The following CTNNA2 variants were observed in gnomAD, a reference collection of about 807,000 sequenced individuals.
CTNNA2 encodes catenin alpha 2.
In CTNNA2, 42 loss-of-function variants were observed where a neutral mutation model predicts 101.0. The ratio of observed to expected loss-of-function variants is 0.42; its 90% CI spans 0.32 to 0.54. CTNNA2 has a LOEUF of 0.54. CTNNA2 is among the 20% of genes least tolerant of loss of function. The pLI, the probability that CTNNA2 is intolerant of heterozygous loss-of-function variation, is 0.14. For synonymous variants in CTNNA2, 450 were observed against 456.4 expected (o/e 0.99, Z 0.18); for missense variants, 871 against 1,223.1 (o/e 0.71, Z 4.29).
intron 2 of CTNNA2, among the ~76,000 whole-genome samples, chr2:79,707,580 T>A (rs1685465036): frequency 6.6e-6 from 1 of 152,220 alleles, no homozygotes; most frequent in Non-Finnish European, 1.5e-5. Context: ...TTCCTGTGAC[T>A]TTTTCTGCAG....
chr2:80,085,053 A>T (rs964679170), intron 7 of CTNNA2, among the ~76,000 whole-genome samples: 2 of 152,066 alleles, frequency 1.3e-5, no homozygotes, highest in Non-Finnish European at 2.9e-5. Context: ...TAGAAGAGGA[A>T]CTCAGATATC....
At chr2:80,482,300 A>G (rs1282172065) in intron 9 of CTNNA2, among the ~76,000 whole-genome samples, 1 of 152,074 alleles carries the variant, frequency 6.6e-6, no homozygotes, top group Non-Finnish European at 1.5e-5. Context: ...AGGAAACTCT[A>G]ACTTTTAAAG....
At chr2:79,999,945 G>C (rs181389701) in intron 7 of CTNNA2, among the ~76,000 whole-genome samples, 1 of 152,162 alleles carries the variant, frequency 6.6e-6, no homozygotes, top group African/African-American at 2.4e-5. Flanking sequence ...ACGAGAAAGA[G>C]ATGGGAAGAG....
intron 3 of CTNNA2, among the ~76,000 whole-genome samples, chr2:79,845,067 G>GTATATATATATGTGTATA (rs1680124460): frequency 7.0e-6 from 1 of 142,610 alleles, no homozygotes; most frequent in Non-Finnish European, 1.5e-5. Context: ...GTGTGTGTGT[G>GTATATATATATGTGTATA]TATATATATA....
At chr2:79,302,425 A>T (rs1485293073) in intron 2 of CTNNA2, among the ~76,000 whole-genome samples, 2 of 152,164 alleles carry the variant, frequency 1.3e-5, no homozygotes, top group African/African-American at 4.8e-5. Context: ...CTGTCACTTG[A>T]GTAAAGAGTA....
intron 2 of CTNNA2, among the ~76,000 whole-genome samples, chr2:79,739,294 T>C (rs1671117091): frequency 6.6e-6 from 1 of 152,158 alleles, no homozygotes; most frequent in Non-Finnish European, 1.5e-5. Flanking sequence ...TAATAACATA[T>C]TCTCAGTGTT....
intron 4 of CTNNA2, among the ~76,000 whole-genome samples, chr2:79,388,237 T>C (rs556905855): frequency 7.2e-5 from 11 of 152,344 alleles, no homozygotes; most frequent in African/African-American, 2.6e-4. Context: ...GAGGAGCTGA[T>C]GACTTCACTC....
chr2:79,601,080 T>C lies in CTNNA2; in HGVS notation c.-5-50472T>C, dbSNP rs138284589. 2.0e-5 allele frequency among the ~76,000 whole-genome samples: 3 copies of C among 152,198 alleles called. No individual in the cohort carries two copies. The East Asian group carries it at 5.8e-4, about 29-fold the overall frequency. On this transcript the variant is annotated intron_variant, in intron 1 of 18. Coordinates refer to ENST00000402739, the MANE Select transcript of CTNNA2 (RefSeq NM_001282597.3). ...CACACATGTGCACATACTCCTCCAA[T>C]GTTAGGGAGGATAAAGAGAAAGAAT...
intron 2 of CTNNA2, among the ~76,000 whole-genome samples, chr2:79,707,991 C>T (rs1348130876): frequency 6.6e-6 from 1 of 152,194 alleles, no homozygotes; most frequent in Non-Finnish European, 1.5e-5. Context: ...GATTTGAGAG[C>T]TTACTGTGTG....
At chr2:79,377,786 G>A (rs985454168) in intron 4 of CTNNA2, among the ~76,000 whole-genome samples, 10 of 151,960 alleles carry the variant, frequency 6.6e-5, no homozygotes, top group Admixed American at 6.6e-4. Flanking sequence ...GCACCTGAAG[G>A]GCCTTTATTA....
chr2:79,972,857 G>A (rs1036256106), intron 7 of CTNNA2, among the ~76,000 whole-genome samples: 7 of 152,116 alleles, frequency 4.6e-5, no homozygotes, highest in African/African-American at 9.7e-5. Flanking sequence ...GTGTTCACCC[G>A]GTGGAGAACT....
intron 1 of CTNNA2, among the ~76,000 whole-genome samples, chr2:79,578,801 A>G (rs1675959192): frequency 6.6e-6 from 1 of 152,128 alleles, no homozygotes; most frequent in African/African-American, 2.4e-5. Context: ...TAACCTTAAT[A>G]TTCAGCTGGG....
intron 7 of CTNNA2, among the ~76,000 whole-genome samples, chr2:80,033,513 T>C (rs902288742): frequency 1.3e-5 from 2 of 152,028 alleles, no homozygotes; most frequent in African/African-American, 4.8e-5. Flanking sequence ...AGGTTGAGGC[T>C]GCAGTGAGTG....
intron 4 of CTNNA2, among the ~76,000 whole-genome samples, chr2:79,437,109 C>T (rs1678724759): frequency 1.3e-5 from 2 of 151,836 alleles, no homozygotes; most frequent in African/African-American, 4.8e-5. Flanking sequence ...TGGTGTGTGC[C>T]TGTAATCCCA....
At chr2:79,302,998 G>A (rs1676148334) in intron 2 of CTNNA2, among the ~76,000 whole-genome samples, 1 of 152,138 alleles carries the variant, frequency 6.6e-6, no homozygotes, top group South Asian at 2.1e-4. Context: ...AGTAAAGCAA[G>A]TCTCAGGTTT....
At chr2:80,422,882 T>C (rs996226173) in intron 9 of CTNNA2, among the ~76,000 whole-genome samples, 17 of 137,944 alleles carry the variant, frequency 1.2e-4, no homozygotes, top group African/African-American at 5.7e-4. Context: ...GTGGAAAGGT[T>C]TAAAATCATA....
Position 79,982,340 on chromosome 2 carries a change from A to ATATATAACC in CTNNA2, c.1056+72561_1056+72569dup, listed in dbSNP as rs1188638891. ...AACATATATAACACACATATAAAAC[A>ATATATAACC]TATATAACCTATATAACCTATATAA... On this transcript the variant is annotated intron_variant, in intron 7 of 18. Transcript: ENST00000402739. Among the ~76,000 whole-genome samples the ATATATAACC allele has an allele frequency of 2.8e-3, 283 of 101,968 alleles. 3 individuals carry two copies. Among genetic ancestry groups the ATATATAACC allele is most frequent in the South Asian group, 0.011 (35 of 3,224 alleles). The allele number at this position is 101,968 out of a possible 152,430, so 66.9% of individuals were successfully genotyped here.
intron 9 of CTNNA2, among the ~76,000 whole-genome samples, chr2:80,520,315 T>A (rs80249131): frequency 0.012 from 1,770 of 151,860 alleles, 41 homozygotes; most frequent in African/African-American, 0.04. Context: ...CTTTTCATTA[T>A]CAAAAGGAAA....
chr2:79,518,260 A>C (rs1461776346), intron 1 of CTNNA2, among the ~76,000 whole-genome samples: 3 of 152,186 alleles, frequency 2.0e-5, no homozygotes, highest in Admixed American at 6.5e-5. Context: ...GCCAGGTAAT[A>C]CATTTATGGG....
Sources: allele counts gnomAD v4.1 joint callset (sites outside exome capture counted in the v4.1 genomes callset), GRCh38; gene constraint gnomAD v4.1.1; transcripts MANE v1.5; gene names NCBI Gene and HGNC (gene_info 2026-07-23, HGNC 2026-07-21).